The following NOL4 variants were observed in gnomAD, a reference collection of about 807,000 sequenced individuals.
The protein encoded by NOL4 is nucleolar protein 4.
A neutral mutation model predicts 75.9 loss-of-function variants in NOL4; 17 were observed. The observed-to-expected ratio is 0.22, with a 90% CI of 0.15 to 0.34. The LOEUF (loss-of-function observed/expected upper bound fraction) is 0.34, where lower values mean the gene tolerates loss of function less well. Ranked by LOEUF, NOL4 falls within the 10% of genes least tolerant of loss-of-function variation. NOL4 has a pLI of 1.00. For missense variants in NOL4, 614 were observed against 793.5 expected, an observed-to-expected ratio of 0.77 and a Z score of 2.72; for synonymous variants, 292 against 289.9, an observed-to-expected ratio of 1.01 and a Z score of -0.07.
At chr18:33,941,188 A>G (rs567452658) in intron 9 of NOL4, among the ~76,000 whole-genome samples, 20 of 152,166 alleles carry the variant, frequency 1.3e-4, no homozygotes, top group African/African-American at 4.8e-4. Context: ...TGATATCTGT[A>G]TGTCCCATTT....
At chr18:34,216,230 G>T (rs1032394369) in intron 1 of NOL4, among the ~76,000 whole-genome samples, 1 of 152,152 alleles carries the variant, frequency 6.6e-6, no homozygotes, top group African/African-American at 2.4e-5. Flanking sequence ...TAATTTCAAG[G>T]ATAAAGAAGT....
At chr18:33,934,907 T>C (rs1265305123) in intron 9 of NOL4, among the ~76,000 whole-genome samples, 1 of 149,432 alleles carries the variant, frequency 6.7e-6, no homozygotes, top group Non-Finnish European at 1.5e-5. Flanking sequence ...CTCTGTTGCC[T>C]GGAGGCGGTG....
intron 5 of NOL4, among the ~76,000 whole-genome samples, chr18:34,033,201 C>T (rs903230409): frequency 2.6e-5 from 4 of 151,698 alleles, no homozygotes; most frequent in African/African-American, 9.7e-5. Context: ...GCAATAGATC[C>T]CAATCAAAAA....
At chr18:33,960,824 A>T (rs2070054344) in intron 6 of NOL4, among the ~76,000 whole-genome samples, 1 of 152,124 alleles carries the variant, frequency 6.6e-6, no homozygotes, top group Non-Finnish European at 1.5e-5. Context: ...TTATTGTTAT[A>T]ATATCAGTAG....
At chr18:33,902,332 C>A (rs182069936) in intron 9 of NOL4, among the ~76,000 whole-genome samples, 1 of 152,002 alleles carries the variant, frequency 6.6e-6, no homozygotes, top group Non-Finnish European at 1.5e-5. Flanking sequence ...AGAAGTTCAA[C>A]TTTTGTTGTA....
intron 1 of NOL4, among the ~76,000 whole-genome samples, chr18:34,188,689 C>T (rs575029048): frequency 2.6e-5 from 4 of 152,288 alleles, no homozygotes; most frequent in East Asian, 1.9e-4. Context: ...TATTATATCA[C>T]GTATCACTAA....
chr18:34,001,455 G>A (rs568457379), intron 6 of NOL4, among the ~76,000 whole-genome samples: 10 of 152,164 alleles, frequency 6.6e-5, no homozygotes, highest in East Asian at 1.9e-4. Flanking sequence ...GTAAACATCT[G>A]CTAGAAATTG....
chr18:34,120,264 T>G (rs2080078168), intron 2 of NOL4, among the ~76,000 whole-genome samples: 1 of 152,170 alleles, frequency 6.6e-6, no homozygotes, highest in Non-Finnish European at 1.5e-5. Flanking sequence ...TAGTGCCTAT[T>G]TAAAGCAAGG....
At chr18:34,150,084 G>GATA (rs1385785159) in intron 1 of NOL4, among the ~76,000 whole-genome samples, 1 of 151,496 alleles carries the variant, frequency 6.6e-6, no homozygotes, top group African/African-American at 2.4e-5. Context: ...AAAATATGAT[G>GATA]ATAATTATAT....
intron 5 of NOL4, among the ~76,000 whole-genome samples, chr18:34,026,163 AT>A (rs1176271380): frequency 6.6e-6 from 1 of 152,022 alleles, no homozygotes; most frequent in Admixed American, 6.6e-5. Flanking sequence ...TCTATTGCAA[AT>A]TTTATTTCCT....
At chr18:34,123,973 G>A (rs2080270244) in intron 2 of NOL4, among the ~76,000 whole-genome samples, 1 of 151,758 alleles carries the variant, frequency 6.6e-6, no homozygotes, top group African/African-American at 2.4e-5. Flanking sequence ...GTTCAATACT[G>A]GACAAAGTTT....
intron 9 of NOL4, among the ~76,000 whole-genome samples, chr18:33,886,210 G>A (rs1399850766): frequency 2.0e-5 from 3 of 151,792 alleles, no homozygotes; most frequent in African/African-American, 7.3e-5. Flanking sequence ...AGGTGTGGAT[G>A]GTTAATGGGT....
At chr18:34,099,470 T>G (rs1269408768) in intron 4 of NOL4, among the ~76,000 whole-genome samples, 1 of 151,754 alleles carries the variant, frequency 6.6e-6, no homozygotes, top group Non-Finnish European at 1.5e-5. Flanking sequence ...AATGATCTGG[T>G]CTTCTGCCTT....
At chr18:34,188,559 G>C (rs553093882) in intron 1 of NOL4, among the ~76,000 whole-genome samples, 32 of 152,130 alleles carry the variant, frequency 2.1e-4, no homozygotes, top group African/African-American at 7.7e-4. Context: ...CCTACAGTTG[G>C]GCAAAATTGT....
intron 9 of NOL4, among the ~76,000 whole-genome samples, chr18:33,929,534 A>G (rs527905615): frequency 5.3e-5 from 8 of 152,156 alleles, no homozygotes; most frequent in Non-Finnish European, 8.8e-5. Flanking sequence ...GAAAGCCATT[A>G]TGTCTTATTC....
At chr18:34,089,871 T>C (rs2078425858) in intron 5 of NOL4, among the ~76,000 whole-genome samples, 1 of 152,184 alleles carries the variant, frequency 6.6e-6, no homozygotes, top group Non-Finnish European at 1.5e-5. Context: ...GAGTTTGATA[T>C]ACATTCCTTA....
chr18:33,985,664 G>C (rs1420996360), intron 6 of NOL4, among the ~76,000 whole-genome samples: 1 of 152,044 alleles, frequency 6.6e-6, no homozygotes, highest in African/African-American at 2.4e-5. Flanking sequence ...CCCACTAACT[G>C]TCACAATAGG....
rs76814399 is a variant in NOL4 at position 34,122,366 on chromosome 18, G to A, written c.414+7505C>T. Among the ~76,000 whole-genome samples, 1,137 of 151,990 alleles carry A rather than the reference G, an allele frequency of 7.5e-3. 14 individuals carry two copies. The highest frequency in any genetic ancestry group is 0.025 in the African/African-American group (1,045 of 41,456). ...ATCATAAATGAAGACATGGGTGGGT[G>A]TTATCCATAGGTCACTAAGGAGAAT... On this transcript the variant is annotated intron_variant, in intron 2 of 10. Coordinates refer to ENST00000261592, the MANE Select transcript of NOL4 (RefSeq NM_003787.5).
chr18:34,008,861 G>T (rs1478234431), intron 6 of NOL4, among the ~76,000 whole-genome samples: 1 of 151,958 alleles, frequency 6.6e-6, no homozygotes, highest in Non-Finnish European at 1.5e-5. Context: ...AAATGGCAAT[G>T]AGAAGAAATT....
Sources: allele counts gnomAD v4.1 joint callset (sites outside exome capture counted in the v4.1 genomes callset), GRCh38; gene constraint gnomAD v4.1.1; transcripts MANE v1.5; gene names NCBI Gene and HGNC (gene_info 2026-07-23, HGNC 2026-07-21).